PIGK: variants seen among roughly 807,000 people sequenced by gnomAD.
PIGK encodes the protein GPI-anchor transamidase.
A neutral mutation model predicts 50.6 loss-of-function variants in PIGK; 42 were observed. That is an observed-to-expected ratio of 0.83 (90% CI 0.65 to 1.07). The LOEUF is 1.07. Among genes scored for constraint, PIGK ranks in the 50% least tolerant of loss-of-function variants. The probability of loss-of-function intolerance (pLI) is 0.00; values close to 1 mark genes in which losing one functional copy is unlikely to be tolerated. For missense variants in PIGK, 448 were observed against 488.7 expected, an observed-to-expected ratio of 0.92 and a Z score of 0.78; for synonymous variants, 151 against 156.0, an observed-to-expected ratio of 0.97 and a Z score of 0.24.
At chr1:77,204,903 T>G (rs1656255687) in intron 3 of PIGK, among the ~76,000 whole-genome samples, 1 of 152,212 alleles carries the variant, frequency 6.6e-6, no homozygotes, top group Non-Finnish European at 1.5e-5. Context: ...TTCTATTTAT[T>G]AAATAACAAA....
At chr1:77,133,728 C>T (rs991687352) in intron 9 of PIGK, among the ~76,000 whole-genome samples, 1 of 152,146 alleles carries the variant, frequency 6.6e-6, no homozygotes, top group Non-Finnish European at 1.5e-5. Flanking sequence ...TTCATTACAC[C>T]TTAATGTGGC....
At chr1:77,210,558 T>C (rs1656394722) in intron 1 of PIGK, 69 bp from the exon 2 acceptor site, 2 of 892,902 alleles carry the variant, frequency 2.2e-6, no homozygotes, top group Admixed American at 2.4e-5. Context: ...AATGGACAGT[T>C]GAGACTCGTG....
chr1:77,208,025 C>T (rs1397482891), intron 2 of PIGK, among the ~76,000 whole-genome samples: 3 of 151,874 alleles, frequency 2.0e-5, no homozygotes, highest in Admixed American at 6.6e-5. Flanking sequence ...AGTTAAAGAA[C>T]GGCCTAGGCA....
At chr1:77,115,271 T>C (rs767264395) in intron 10 of PIGK, among the ~76,000 whole-genome samples, 2 of 152,222 alleles carry the variant, frequency 1.3e-5, no homozygotes, top group Non-Finnish European at 2.9e-5. Flanking sequence ...GATTCTCAAC[T>C]ATATATATTT....
chr1:77,105,708 T>C (rs1209961357), intron 10 of PIGK, among the ~76,000 whole-genome samples: 1 of 152,228 alleles, frequency 6.6e-6, no homozygotes, highest in Non-Finnish European at 1.5e-5. Flanking sequence ...TCTGTTTTTA[T>C]AACTAAAGTT....
At chr1:77,159,594 C>G (rs912479557) in intron 8 of PIGK, among the ~76,000 whole-genome samples, 1 of 152,218 alleles carries the variant, frequency 6.6e-6, no homozygotes, top group Admixed American at 6.5e-5. Flanking sequence ...CAAAGCTGCC[C>G]AAGGACATGG....
At chr1:77,177,101 T>A (rs1655504410) in intron 3 of PIGK, among the ~76,000 whole-genome samples, 1 of 152,238 alleles carries the variant, frequency 6.6e-6, no homozygotes, top group Admixed American at 6.5e-5. Context: ...AATGCATGTT[T>A]TCTGGTTGTA....
At chr1:77,120,672 G>C (rs759105115) in intron 10 of PIGK, among the ~76,000 whole-genome samples, 5 of 152,124 alleles carry the variant, frequency 3.3e-5, no homozygotes, top group African/African-American at 9.7e-5. Context: ...TAAATGAAGA[G>C]TCTGCTATTA....
chr1:77,175,330 G>C (rs1342796271), intron 3 of PIGK, among the ~76,000 whole-genome samples: 1 of 152,154 alleles, frequency 6.6e-6, no homozygotes, highest in East Asian at 1.9e-4. Flanking sequence ...ATCCTGTATG[G>C]TAAATTCTTG....
At chr1:77,167,100 G>C (rs1655251627) in intron 4 of PIGK, among the ~76,000 whole-genome samples, 1 of 152,196 alleles carries the variant, frequency 6.6e-6, no homozygotes, top group Admixed American at 6.5e-5. Flanking sequence ...TCAGCACTTT[G>C]TGAGGCAAGG....
chr1:77,180,397 AG>A (rs1401928785), intron 3 of PIGK, among the ~76,000 whole-genome samples: 1 of 152,152 alleles, frequency 6.6e-6, no homozygotes, highest in Non-Finnish European at 1.5e-5. Flanking sequence ...AAAAAATGGG[AG>A]GGCACATACA....
chr1:77,129,012 G>A, intron 9 of PIGK: 1 of 718,004 alleles, frequency 1.4e-6, no homozygotes, highest in Non-Finnish European at 2.6e-6. Context: ...TAACAGCAGA[G>A]CTGCATATTT....
intron 9 of PIGK, among the ~76,000 whole-genome samples, chr1:77,141,714 C>A (rs1244900028): frequency 6.6e-6 from 1 of 152,016 alleles, no homozygotes; most frequent in Non-Finnish European, 1.5e-5. Context: ...TCTATAACAT[C>A]TGTAGAAAAA....
At chr1:77,194,446 C>G (rs1655983782) in intron 3 of PIGK, among the ~76,000 whole-genome samples, 1 of 152,156 alleles carries the variant, frequency 6.6e-6, no homozygotes, top group Non-Finnish European at 1.5e-5. Flanking sequence ...CCATGAAATA[C>G]TACACAGCCA....
intron 9 of PIGK, 70 bp from the exon 10 acceptor site, chr1:77,122,429 ATG>A (rs1654121786): frequency 9.8e-6 from 8 of 813,594 alleles, no homozygotes; most frequent in South Asian, 3.1e-5. Flanking sequence ...ATATTTAAAT[ATG>A]TCAAATATGA....
rs528018508 is a variant in PIGK at position 77,163,319 on chromosome 1, G to A, written c.584+527C>T. Among the ~76,000 whole-genome samples, 13 of 152,238 alleles carry A rather than the reference G, an allele frequency of 8.5e-5. No homozygotes were observed. In the South Asian group the frequency reaches 1.7e-3, roughly 19 times the overall value. Reference sequence around the variant, plus strand: ...GATAGCCTATAAGTGTTTATTGAAAGTAATCAAGTTAAAAGTTTTTTCACT... The same window carrying A: ...GATAGCCTATAAGTGTTTATTGAAAATAATCAAGTTAAAAGTTTTTTCACT... On this transcript the variant is annotated intron_variant, in intron 6 of 10. Transcript: ENST00000370812.
chr1:77,145,414 T>C (rs1654746943), intron 9 of PIGK, among the ~76,000 whole-genome samples: 1 of 152,056 alleles, frequency 6.6e-6, no homozygotes, highest in Non-Finnish European at 1.5e-5. Context: ...ATAAAATCAA[T>C]TGTAATACTT....
chr1:77,189,281 T>G (rs1218361473), intron 3 of PIGK, among the ~76,000 whole-genome samples: 1 of 152,194 alleles, frequency 6.6e-6, no homozygotes, highest in Non-Finnish European at 1.5e-5. Context: ...ACATATAATC[T>G]CAGATGTGTA....
intron 5 of PIGK, among the ~76,000 whole-genome samples, chr1:77,164,404 T>C (rs1655193027): frequency 6.6e-6 from 1 of 152,176 alleles, no homozygotes; most frequent in Admixed American, 6.5e-5. Flanking sequence ...GCCATGTTAG[T>C]TTAGGAAAAT....
Sources: gnomAD v4.1 joint callset for allele counts (sites outside exome capture counted in the v4.1 genomes callset) on GRCh38, gnomAD v4.1.1 for gene constraint, MANE v1.5 for transcripts, NCBI Gene and HGNC (gene_info 2026-07-23, HGNC 2026-07-21) for gene names.